The following CDK14 variants were observed in gnomAD, a reference collection of about 807,000 sequenced individuals.
CDK14 encodes cyclin-dependent kinase 14.
CDK14 carries 34 observed loss-of-function variants against 60.7 expected under a neutral mutation model. That is an observed-to-expected ratio of 0.56 (90% CI 0.43 to 0.75). The LOEUF is 0.75. Ranked by LOEUF, CDK14 falls within the 30% of genes least tolerant of loss-of-function variation. The pLI, the probability that CDK14 is intolerant of heterozygous loss-of-function variation, is 0.00. For synonymous variants in CDK14, 197 were observed against 203.7 expected (o/e 0.97, Z 0.28); for missense variants, 482 against 564.1 (o/e 0.85, Z 1.47).
chr7:90,854,037 A>G (rs1790739682), intron 5 of CDK14, among the ~76,000 whole-genome samples: 1 of 152,216 alleles, frequency 6.6e-6, no homozygotes, highest in Non-Finnish European at 1.5e-5. Context: ...TCTTGACCAC[A>G]GTCTTACAAA....
chr7:91,033,062 A>G (rs942160611), intron 10 of CDK14, among the ~76,000 whole-genome samples: 1 of 152,222 alleles, frequency 6.6e-6, no homozygotes, highest in Non-Finnish European at 1.5e-5. Flanking sequence ...CCTATGTATC[A>G]TTTTGACATA....
chr7:91,179,378 T>C (rs1385402996), intron 14 of CDK14, among the ~76,000 whole-genome samples: 2 of 141,938 alleles, frequency 1.4e-5, no homozygotes, highest in Non-Finnish European at 3.1e-5. Context: ...GGAGGAGGGA[T>C]AGCATCGGGA....
At chr7:90,681,266 G>T (rs1801310398) in intron 2 of CDK14, among the ~76,000 whole-genome samples, 1 of 152,176 alleles carries the variant, frequency 6.6e-6, no homozygotes, top group East Asian at 1.9e-4. Context: ...CTTAACTGAG[G>T]TTGCCTGTAA....
At chr7:90,917,128 C>G (rs2061230341) in intron 7 of CDK14, among the ~76,000 whole-genome samples, 1 of 152,116 alleles carries the variant, frequency 6.6e-6, no homozygotes, top group African/African-American at 2.4e-5. Context: ...TTCCTTAAAG[C>G]ATGTTAATGG....
chr7:91,005,541 C>A (rs1481771640), intron 10 of CDK14, among the ~76,000 whole-genome samples: 2 of 152,160 alleles, frequency 1.3e-5, no homozygotes, highest in African/African-American at 4.8e-5. Flanking sequence ...GAATACATAT[C>A]ATTTTATTAT....
intron 10 of CDK14, among the ~76,000 whole-genome samples, chr7:91,027,511 G>A (rs1186577842): frequency 6.6e-6 from 1 of 152,168 alleles, no homozygotes; most frequent in South Asian, 2.1e-4. Flanking sequence ...TGCATACCAC[G>A]TTTTAGTATT....
chr7:91,050,842 G>A (rs568875096), intron 11 of CDK14, among the ~76,000 whole-genome samples: 108 of 152,286 alleles, frequency 7.1e-4, no homozygotes, highest in African/African-American at 2.5e-3. Flanking sequence ...TGGTAAAAGA[G>A]GGAGCGAAAG....
chr7:91,197,966 C>CTGTTGTGAAGCAGTTTCG (rs1802599431), intron 14 of CDK14, among the ~76,000 whole-genome samples: 1 of 152,188 alleles, frequency 6.6e-6, no homozygotes, highest in Non-Finnish European at 1.5e-5. Context: ...TTCGTTGGCA[C>CTGTTGTGAAGCAGTTTCG]TGTTGTGAAG....
At chr7:90,728,703 G>A (rs1353556919) in intron 3 of CDK14, among the ~76,000 whole-genome samples, 1 of 151,866 alleles carries the variant, frequency 6.6e-6, no homozygotes, top group Non-Finnish European at 1.5e-5. Context: ...TGAGATTTTT[G>A]GTGGGTCTAT....
intron 6 of CDK14, among the ~76,000 whole-genome samples, chr7:90,880,118 G>C (rs917696976): frequency 6.6e-6 from 1 of 152,238 alleles, no homozygotes. Context: ...GCTGCCTGCT[G>C]TCTAAGCCAT....
intron 12 of CDK14, among the ~76,000 whole-genome samples, chr7:91,089,134 A>G (rs921872555): frequency 1.3e-5 from 2 of 152,184 alleles, no homozygotes; most frequent in Non-Finnish European, 2.9e-5. Flanking sequence ...TTGCTAATTT[A>G]GAACTGAGTT....
intron 5 of CDK14, among the ~76,000 whole-genome samples, chr7:90,838,494 G>C (rs1334186306): frequency 1.3e-5 from 2 of 152,146 alleles, no homozygotes; most frequent in Admixed American, 6.5e-5. Context: ...GCAGAATAGA[G>C]CCATATTTTT....
intron 2 of CDK14, among the ~76,000 whole-genome samples, chr7:90,658,623 G>A (rs575750745): frequency 5.3e-5 from 8 of 152,248 alleles, no homozygotes; most frequent in African/African-American, 1.4e-4. Flanking sequence ...TTGTTGTAGC[G>A]TGTATCAGTG....
chr7:90,882,737 A>G (rs2117289905), intron 6 of CDK14, among the ~76,000 whole-genome samples: 1 of 152,338 alleles, frequency 6.6e-6, no homozygotes, highest in Non-Finnish European at 1.5e-5. Flanking sequence ...TGAAATCATA[A>G]CAGTCTCTCA....
At chr7:90,934,213 G>A (rs772079725) in intron 8 of CDK14, among the ~76,000 whole-genome samples, 1 of 152,256 alleles carries the variant, frequency 6.6e-6, no homozygotes, top group African/African-American at 2.4e-5. Context: ...GCTGGAACCT[G>A]CTGCCAGTCA....
chr7:90,985,172 A>G (rs1272520764), intron 10 of CDK14, among the ~76,000 whole-genome samples: 3 of 152,162 alleles, frequency 2.0e-5, no homozygotes, highest in Non-Finnish European at 2.9e-5. Context: ...AACTATTCTA[A>G]AATTAAAAGC....
chr7:91,157,390 A>G (rs1225336604), intron 14 of CDK14, among the ~76,000 whole-genome samples: 3 of 152,210 alleles, frequency 2.0e-5, no homozygotes, highest in African/African-American at 7.2e-5. Context: ...CTGTGTGTCC[A>G]TGGACAAGTG....
chr7:90,768,717 C>G lies in CDK14; in HGVS notation c.464+20942C>G, dbSNP rs558212997. ...TTTGACAACTAAGCAATTGTGTTCT[C>G]TCACTTAGATTCAAAATCTGTGAGT... On this transcript the variant is annotated intron_variant, in intron 4 of 14. Transcript: ENST00000380050. 8.7e-4 allele frequency among the ~76,000 whole-genome samples: 132 copies of G among 152,278 alleles called. 1 individual carries two copies. The highest frequency in any genetic ancestry group is 3.1e-3 in the African/African-American group (129 of 41,552).
rs530895528 is a variant in CDK14 at position 90,860,823 on chromosome 7, G to A, written c.545-2352G>A. ...CATGCATGAGCCACCACGCCTGGCC[G>A]CGTCTCATTCCTTTTTTCAATCAAA... On this transcript the variant is annotated intron_variant, in intron 5 of 14. Coordinates refer to ENST00000380050, the MANE Select transcript of CDK14 (RefSeq NM_001287135.2). 2.0e-5 allele frequency among the ~76,000 whole-genome samples: 3 copies of A among 152,166 alleles called. No homozygotes were observed. The East Asian group carries it at 5.8e-4, about 29-fold the overall frequency.
Sources: allele counts gnomAD v4.1 joint callset (sites outside exome capture counted in the v4.1 genomes callset), GRCh38; gene constraint gnomAD v4.1.1; transcripts MANE v1.5; gene names NCBI Gene and HGNC (gene_info 2026-07-23, HGNC 2026-07-21).